HIPK1: variants seen among roughly 807,000 people sequenced by gnomAD.
The protein encoded by HIPK1 is homeodomain-interacting protein kinase 1.
Under a neutral mutation model 117.1 loss-of-function variants are expected in HIPK1, and 28 were observed. The observed-to-expected ratio is 0.24, with a 90% CI of 0.18 to 0.33. HIPK1 has a LOEUF of 0.33. Among genes scored for constraint, HIPK1 ranks in the 10% least tolerant of loss-of-function variants. The pLI, the probability that HIPK1 is intolerant of heterozygous loss-of-function variation, is 1.00. For missense variants in HIPK1, 1,122 were observed against 1,475.1 expected, an observed-to-expected ratio of 0.76 and a Z score of 3.92; for synonymous variants, 605 against 562.5, an observed-to-expected ratio of 1.08 and a Z score of -1.07.
intron 10 of HIPK1, among the ~76,000 whole-genome samples, chr1:113,965,793 A>C (rs543068529): frequency 6.6e-6 from 1 of 152,314 alleles, no homozygotes; most frequent in East Asian, 1.9e-4. Context: ...GAATTGTTGC[A>C]AAAATGAAAC....
Position 113,973,007 on chromosome 1 carries a change from T to C in HIPK1, c.3145-17T>C. The stretch of plus-strand genomic sequence containing the variant: ...GAGTGACCTCAGGATTCCTCACTTC[T>C]TCCTTCTTTCTTCCAGAACCAGCAG... On this transcript the variant is annotated splice_polypyrimidine_tract_variant and intron_variant, in intron 15 of 15. Coordinates refer to ENST00000426820, the MANE Select transcript of HIPK1 (RefSeq NM_198268.3). 4 of 1,513,192 alleles carry C rather than the reference T, an allele frequency of 2.6e-6. No individual in the cohort carries two copies. Among genetic ancestry groups the C allele is most frequent in the Non-Finnish European group, 2.7e-6 (3 of 1,131,042 alleles). 93.7% of individuals were successfully genotyped at this position (1,513,192 alleles called of 1,614,324 possible). A position where few individuals can be genotyped will look rare whatever the true frequency, so the allele number is the denominator to read the frequency against.
At position 113,944,159 on chromosome 1, in the gene HIPK1, G is replaced by GTTTTTTTTTTT. The variant is rs140161727; in HGVS notation, c.1076+2719_1076+2729dup. Among the ~76,000 whole-genome samples the GTTTTTTTTTTT allele has an allele frequency of 4.2e-4, 23 of 55,232 alleles. 3 individuals carry two copies. The highest frequency in any genetic ancestry group is 1.3e-3 in the East Asian group (2 of 1,600). 36.2% of individuals were successfully genotyped at this position (55,232 alleles called of 152,430 possible). ...TTTGTTTTTTAAATAATAGCCATGG[G>GTTTTTTTTTTT]TTTTTTTTTTTTTTTTTTTTTTTTT... is the stretch of plus-strand genomic sequence containing the variant. On this transcript the variant is annotated intron_variant, in intron 2 of 15. Coordinates refer to ENST00000426820, the MANE Select transcript of HIPK1 (RefSeq NM_198268.3).
chr1:113,956,604 T>A (rs1415415442), intron 5 of HIPK1, 23 bp from the exon 6 acceptor site: 2 of 1,592,676 alleles, frequency 1.3e-6, no homozygotes, highest in East Asian at 4.5e-5. Flanking sequence ...TGAAGAAGTA[T>A]AATTCTGAAT....
intron 3 of HIPK1, among the ~76,000 whole-genome samples, chr1:113,953,100 G>T (rs995850756): frequency 1.9e-4 from 29 of 152,124 alleles, no homozygotes; most frequent in African/African-American, 6.7e-4. Context: ...ATAAAAAAAA[G>T]AATTTTATTT....
chr1:113,947,391 A>G (rs960197983), intron 2 of HIPK1, among the ~76,000 whole-genome samples: 1 of 152,234 alleles, frequency 6.6e-6, no homozygotes, highest in African/African-American at 2.4e-5. Context: ...AAAGGTCTAG[A>G]GAAGGAAAAC....
rs1429862763 is a variant in HIPK1, at chr1:113,961,700, CT to C, written c.1982-614del. 4.6e-5 allele frequency among the ~76,000 whole-genome samples: 7 copies of C among 152,122 alleles called. No individual in the cohort carries two copies. In the South Asian group the frequency reaches 6.2e-4, roughly 14 times the overall value. ...GTGGCTCACACCTGTAATCCCGGCA[CT>C]TTGGGAGGCCAAGATGGGCAGATCA... On this transcript the variant is annotated intron_variant, in intron 8 of 15. Transcript: ENST00000426820.
intron 2 of HIPK1, among the ~76,000 whole-genome samples, chr1:113,945,894 T>C (rs1670956301): frequency 6.6e-6 from 1 of 152,206 alleles, no homozygotes; most frequent in South Asian, 2.1e-4. Context: ...CCATAATTGC[T>C]TTTTATTAAG....
At chr1:113,962,218 C>T in intron 8 of HIPK1, 99 bp from the exon 9 acceptor site, 1 of 1,236,394 alleles carries the variant, frequency 8.1e-7, no homozygotes, top group South Asian at 1.5e-5. Context: ...AAAACCTGAA[C>T]AGTGGATTAT....
Position 113,977,422 on chromosome 1 carries a change from C to T in HIPK1, c.*3910C>T, listed in dbSNP as rs1408715163. 6.6e-6 allele frequency: 1 copy of T among 152,622 alleles called. No homozygotes were observed. The highest frequency in any genetic ancestry group is 1.5e-5 in the Non-Finnish European group (1 of 68,008). The allele number at this position is 152,622 out of a possible 1,614,324, so 9.5% of individuals were successfully genotyped here. Reference sequence around the variant, plus strand: ...GAATCCTTGATATTGCAATGGAATTCCTACTTTATTAAATGTATTTGATAT... The same window carrying T: ...GAATCCTTGATATTGCAATGGAATTTCTACTTTATTAAATGTATTTGATAT... On this transcript the variant is annotated 3_prime_UTR_variant, in exon 16 of 16. Coordinates refer to ENST00000426820, the MANE Select transcript of HIPK1 (RefSeq NM_198268.3).
In HIPK1 at chr1:113,975,780, T is replaced by C. The variant is rs551382021; in HGVS notation, c.*2268T>C. 28 of 152,822 alleles carry C rather than the reference T, an allele frequency of 1.8e-4. No individual in the cohort carries two copies. Among genetic ancestry groups the C allele is most frequent in the Non-Finnish European group, 3.1e-4 (21 of 68,034 alleles). The allele number at this position is 152,822 out of a possible 1,614,324, so 9.5% of individuals were successfully genotyped here. ...AGTCATTGAGGCTTTTGAGGTTTCT[T>C]TTTTAACAGCTTGTATAGTCTTGGG... is the stretch of plus-strand genomic sequence containing the variant. On this transcript the variant is annotated 3_prime_UTR_variant, in exon 16 of 16. Transcript: ENST00000426820.
At chr1:113,962,507 G>A in intron 9 of HIPK1, 69 bp downstream of exon 9, 1 of 1,494,122 alleles carries the variant, frequency 6.7e-7, no homozygotes, top group Admixed American at 2.0e-5. Context: ...TTTTGTCCTA[G>A]AAAATGGTAT....
intron 2 of HIPK1, among the ~76,000 whole-genome samples, chr1:113,949,587 C>CTTCTT (rs1303073192): frequency 1.4e-5 from 2 of 141,244 alleles, no homozygotes; most frequent in Admixed American, 7.2e-5. Flanking sequence ...TTGAGGGTTA[C>CTTCTT]TTCTTTTCTT....
At chr1:113,951,111 A>G (rs1258699909) in intron 2 of HIPK1, 4 of 460,342 alleles carry the variant, frequency 8.7e-6, no homozygotes, top group Non-Finnish European at 1.1e-5. Flanking sequence ...AAGTGACTCA[A>G]CATTTATAAA....
Position 113,941,463 on chromosome 1 carries a change from A to G in HIPK1, c.1076+4A>G. 6.2e-7 allele frequency: 1 copy of G among 1,605,292 alleles called. No individual in the cohort carries two copies. On this transcript the variant is annotated splice_donor_region_variant and intron_variant, in intron 2 of 15. Coordinates refer to ENST00000426820, the MANE Select transcript of HIPK1 (RefSeq NM_198268.3). This position sits in a 1 kb window ranked among gnomAD's most constrained non-coding sequence, Gnocchi z 4.9. ...ACTTACAGTCACGTTACTACAGGCA[A>G]GTGGCAAATGCTGAAAATCGTATCT...
In HIPK1 at chr1:113,940,515, C is replaced by T; in HGVS notation, c.132C>T (p.Thr44=). 1 of 1,614,090 alleles carries T rather than the reference C, an allele frequency of 6.2e-7. No homozygotes were observed. Among genetic ancestry groups the T allele is most frequent in the Non-Finnish European group, 8.5e-7 (1 of 1,180,022 alleles). The change falls in exon 2 of 16, where the codon ACC becomes ACT. Residue 44 remains threonine, a synonymous_variant. Transcript: ENST00000426820. ...AGAGTAGCAACGACAAATATTATAC[C>T]CACAGCAAAACCCTCCCAGCCACAC... is the stretch of plus-strand genomic sequence containing the variant. The part of the protein sequence containing the change: ...SGQSSNDKYY[T]HSKTLPATQG...
chr1:113,958,550 T>C (rs1671879026), intron 8 of HIPK1, among the ~76,000 whole-genome samples: 1 of 152,236 alleles, frequency 6.6e-6, no homozygotes, highest in South Asian at 2.1e-4. Context: ...TTCTTGCCCA[T>C]TGAGTCCTTG....
At chr1:113,930,977 A>G (rs1199556509) in intron 1 of HIPK1, 2 of 152,222 alleles carry the variant, frequency 1.3e-5, no homozygotes, top group African/African-American at 4.8e-5. Flanking sequence ...TAATTGCATC[A>G]ACATAATACT....
Position 113,958,158 on chromosome 1 carries a change from G to T in HIPK1, c.1848G>T (p.Leu616Phe), listed in dbSNP as rs1390443175. 7.4e-6 allele frequency: 12 copies of T among 1,613,978 alleles called. No homozygotes were observed. Among genetic ancestry groups the T allele is most frequent in the Non-Finnish European group, 1.0e-5 (12 of 1,180,008 alleles). Residue 616 changes from leucine to phenylalanine, a missense_variant, in exon 8 of 16, where the codon TTG (leucine) becomes TTT (phenylalanine). Leu to Phe is a conservative substitution (Grantham distance 22). Transcript: ENST00000426820. ...DVSLLNYQSA[L>F]YPSSAAPVPG... ...CACTACTAAACTACCAGTCAGCTTT[G>T]TACCCATCATCTGCTGCACCAGTTC...
In HIPK1 at chr1:113,940,560, T is replaced by A. The variant is rs754929787; in HGVS notation, c.177T>A (p.Ser59=). The change falls in exon 2 of 16, where the codon TCT becomes TCA. Residue 59 remains serine (S), a synonymous_variant. Transcript: ENST00000426820. ...LPATQGQANS[S]HQVANFNIPA... is the part of the protein sequence containing the mutation. ...CCACACAAGGGCAAGCCAACTCCTC[T>A]CACCAGGTAGCAAATTTCAACATCC... 1 of 1,614,002 alleles carries A rather than the reference T, an allele frequency of 6.2e-7. No homozygotes were observed. Among genetic ancestry groups the A allele is most frequent in the Non-Finnish European group, 8.5e-7 (1 of 1,180,044 alleles).
Sources: gnomAD v4.1 joint callset for allele counts (sites outside exome capture counted in the v4.1 genomes callset) on GRCh38, gnomAD v4.1.1 for gene constraint, Gnocchi (gnomAD v3.1) non-coding constraint, MANE v1.5 for transcripts, NCBI Gene and HGNC (gene_info 2026-07-23, HGNC 2026-07-21) for gene names.